The following TIPARP variants were observed in gnomAD, a reference collection of about 807,000 sequenced individuals.
TIPARP encodes the protein TCDD inducible poly(ADP-ribose) polymerase.
Under a neutral mutation model 56.5 loss-of-function variants are expected in TIPARP, and 12 were observed. The ratio of observed to expected loss-of-function variants is 0.21; its 90% CI spans 0.14 to 0.34. The LOEUF is 0.34. TIPARP is among the 10% of genes least tolerant of loss of function. The pLI, the probability that TIPARP is intolerant of heterozygous loss-of-function variation, is 1.00. For synonymous variants in TIPARP, 296 were observed against 265.7 expected (o/e 1.11, Z -1.11); for missense variants, 604 against 781.6 (o/e 0.77, Z 2.71).
intron 4 of TIPARP, among the ~76,000 whole-genome samples, chr3:156,701,896 G>C (rs1157838721): frequency 6.6e-6 from 1 of 152,230 alleles, no homozygotes; most frequent in African/African-American, 2.4e-5. Flanking sequence ...AAGAGACTTT[G>C]AGGCACATTG....
At chr3:156,702,019 C>CGGTGGTGGTGGTGGTGGTGGT (rs67188281) in intron 4 of TIPARP, among the ~76,000 whole-genome samples, 3 of 98,660 alleles carry the variant, frequency 3.0e-5, no homozygotes, top group South Asian at 4.1e-4. Context: ...GATGATAATG[C>CGGTGGTGGTGGTGGTGGTGGT]GGTGGTGGTG....
intron 2 of TIPARP, among the ~76,000 whole-genome samples, chr3:156,685,796 T>C (rs1011683467): frequency 6.6e-6 from 1 of 152,210 alleles, no homozygotes; most frequent in African/African-American, 2.4e-5. Flanking sequence ...GAACAGTCAG[T>C]GAAGAATGGC....
chr3:156,690,497 A>G (rs1247621936), intron 2 of TIPARP, among the ~76,000 whole-genome samples: 1 of 152,326 alleles, frequency 6.6e-6, no homozygotes, highest in South Asian at 2.1e-4. Context: ...CTAAATTATG[A>G]GAATGGGCGT....
At chr3:156,702,551 GA>G (rs1301293195) in intron 4 of TIPARP, among the ~76,000 whole-genome samples, 2 of 152,116 alleles carry the variant, frequency 1.3e-5, no homozygotes, top group Admixed American at 6.5e-5. Context: ...ACTTCCTTGT[GA>G]CCAGTATGTG....
At chr3:156,677,540 G>A (rs345986) in intron 1 of TIPARP, 117 bp from the exon 2 acceptor site, 2 of 671,786 alleles carry the variant, frequency 3.0e-6, no homozygotes, top group Admixed American at 7.0e-5. Flanking sequence ...ACTAAATATA[G>A]TATAAGAGGA....
At position 156,694,085 on chromosome 3, in the gene TIPARP, T is replaced by C; in HGVS notation, c.983T>C (p.Leu328Pro). Residue 328 changes from leucine to proline, a missense_variant, in exon 3 of 6, where the codon CTA becomes CCA. Around this residue, in one of 4 missense-constraint regions of TIPARP, gnomAD observed 252 missense variants for 303.9 expected, o/e 0.83. Coordinates refer to ENST00000295924, the MANE Select transcript of TIPARP (RefSeq NM_015508.5). ...NVYETTEFDQ[L>P]RRLSTPPSSN... The stretch of plus-strand genomic sequence containing the variant: ...TATGAAACAACTGAATTTGACCAAC[T>C]ACGAAGGCTGTCCACACCACCCTCT... 1 of 1,613,604 alleles carries C rather than the reference T, an allele frequency of 6.2e-7. No homozygotes were observed. The highest frequency in any genetic ancestry group is 8.5e-7 in the Non-Finnish European group (1 of 1,179,738).
chr3:156,705,228 A>G lies in TIPARP; in HGVS notation c.*97A>G. ...GACTGGGTGGGGAACAGCATTGGACATTAATAGGGCACTTTTCAGACCCAT... is the reference window on the plus strand; with the variant it reads ...GACTGGGTGGGGAACAGCATTGGACGTTAATAGGGCACTTTTCAGACCCAT... On this transcript the variant is annotated 3_prime_UTR_variant, in exon 6 of 6. Transcript: ENST00000295924. 1.3e-6 allele frequency: 1 copy of G among 797,326 alleles called. No individual in the cohort carries two copies. Among genetic ancestry groups the G allele is most frequent in the South Asian group, 1.8e-5 (1 of 55,630 alleles). The allele number at this position is 797,326 out of a possible 1,614,324, so 49.4% of individuals were successfully genotyped here. A position where few individuals can be genotyped will look rare whatever the true frequency, so the allele number is the denominator to read the frequency against.
Position 156,677,748 on chromosome 3 carries a change from C to T in TIPARP, c.51C>T (p.Pro17=). 1.9e-6 allele frequency: 3 copies of T among 1,613,502 alleles called. No individual in the cohort carries two copies. The Admixed American group carries it at 5.0e-5, about 27-fold the overall frequency. The change falls in exon 2 of 6, where the codon CCC becomes CCT. Residue 17 remains proline, a synonymous_variant. Coordinates refer to ENST00000295924, the MANE Select transcript of TIPARP (RefSeq NM_015508.5). ...EPEPDCVVQP[P]SPPDDFSCQM... is the part of the protein sequence containing the mutation. ...AGCCAGACTGTGTAGTGCAGCCTCCCTCTCCTCCTGATGACTTTTCATGCC... is the reference window on the plus strand; with the variant it reads ...AGCCAGACTGTGTAGTGCAGCCTCCTTCTCCTCCTGATGACTTTTCATGCC...
chr3:156,703,782 G>C, intron 5 of TIPARP, 80 bp downstream of exon 5: 1 of 1,445,462 alleles, frequency 6.9e-7, no homozygotes, highest in South Asian at 1.3e-5. Flanking sequence ...GGGAGGCCGA[G>C]GCGGGCAGAT....
In TIPARP at chr3:156,694,188, G is replaced by C; in HGVS notation, c.1086G>C (p.Glu362Asp). The C allele has an allele frequency of 6.3e-7, 1 of 1,577,060 alleles. No homozygotes were observed. Among genetic ancestry groups the C allele is most frequent in the Non-Finnish European group, 8.6e-7 (1 of 1,166,268 alleles). ...RDHFGWREYP[E>D]SVIRLIEEAN... ...ACTTTGGATGGAGAGAGTATCCCGA[G>C]GTATTTACAGATTCTTTGTTGACAA... Residue 362 changes from glutamate to aspartate, a missense_variant and splice_region_variant, in exon 3 of 6, where the codon GAG (glutamate) becomes GAC (aspartate). Transcript: ENST00000295924.
intron 2 of TIPARP, among the ~76,000 whole-genome samples, chr3:156,681,015 T>A (rs1207655927): frequency 6.6e-6 from 1 of 152,238 alleles, no homozygotes; most frequent in Non-Finnish European, 1.5e-5. Context: ...AGAAATGTTG[T>A]AATATAGTAG....
At chr3:156,679,659 T>C (rs1253125960) in intron 2 of TIPARP, among the ~76,000 whole-genome samples, 1 of 152,208 alleles carries the variant, frequency 6.6e-6, no homozygotes, top group Non-Finnish European at 1.5e-5. Flanking sequence ...TTCATACTAA[T>C]GAATGGCCTG....
intron 4 of TIPARP, among the ~76,000 whole-genome samples, chr3:156,699,995 A>T (rs1466354627): frequency 6.6e-6 from 1 of 152,224 alleles, no homozygotes; most frequent in Non-Finnish European, 1.5e-5. Flanking sequence ...ATATTTTAGA[A>T]GTAGATTCCA....
Position 156,678,334 on chromosome 3 carries a change from G to A in TIPARP, c.637G>A (p.Asp213Asn), listed in dbSNP as rs201843889. 161 of 1,614,152 alleles carry A rather than the reference G, an allele frequency of 1.0e-4. 1 individual carries two copies. Among genetic ancestry groups the A allele is most frequent in the Non-Finnish European group, 1.2e-4 (145 of 1,180,020 alleles). ...SDKLSTELFQ[D>N]KSEEASLDLV... ...TAAGCTGAGTACTGAGCTCTTTCAG[G>A]ACAAAAGTGAAGAGGCTTCCCTTGA... is the stretch of plus-strand genomic sequence containing the variant. The change falls in exon 2 of 6, where the codon GAC becomes AAC. Residue 213 changes from aspartate (D) to asparagine (N), a missense_variant. Asp to Asn is a conservative substitution (Grantham distance 23). Coordinates refer to ENST00000295924, the MANE Select transcript of TIPARP (RefSeq NM_015508.5).
intron 3 of TIPARP, among the ~76,000 whole-genome samples, chr3:156,695,278 A>G (rs1722684224): frequency 6.6e-6 from 1 of 152,018 alleles, no homozygotes; most frequent in African/African-American, 2.4e-5. Context: ...CAGTGGCACA[A>G]TCATAGCTCA....
At chr3:156,699,982 A>G (rs1414050877) in intron 4 of TIPARP, among the ~76,000 whole-genome samples, 1 of 152,214 alleles carries the variant, frequency 6.6e-6, no homozygotes, top group East Asian at 1.9e-4. Flanking sequence ...GGTTCCAAAA[A>G]GCATATTTTA....
chr3:156,705,193 G>C lies in TIPARP; in HGVS notation c.*62G>C. On this transcript the variant is annotated 3_prime_UTR_variant, in exon 6 of 6. Coordinates refer to ENST00000295924, the MANE Select transcript of TIPARP (RefSeq NM_015508.5). ...CAATCCAGCATTTGTAGCAGGTTTT[G>C]AATGGGTGGGACTGGGTGGGGAACA... 4.1e-6 allele frequency: 2 copies of C among 486,510 alleles called. No individual in the cohort carries two copies. Among genetic ancestry groups the C allele is most frequent in the Non-Finnish European group, 7.4e-6 (2 of 270,742 alleles). The allele number at this position is 486,510 out of a possible 1,614,324, so 30.1% of individuals were successfully genotyped here.
chr3:156,703,785 G>A (rs990792558), intron 5 of TIPARP, 83 bp downstream of exon 5: 18 of 1,422,930 alleles, frequency 1.3e-5, no homozygotes, highest in East Asian at 7.1e-5. Flanking sequence ...AGGCCGAGGC[G>A]GGCAGATTAC....
At chr3:156,689,813 C>T (rs1286782942) in intron 2 of TIPARP, among the ~76,000 whole-genome samples, 1 of 152,192 alleles carries the variant, frequency 6.6e-6, no homozygotes, top group Non-Finnish European at 1.5e-5. Flanking sequence ...GGTGTCCTGC[C>T]TCCCATTGTT....
Sources: gnomAD v4.1 joint callset for allele counts (sites outside exome capture counted in the v4.1 genomes callset) on GRCh38, gnomAD v4.1.1 for gene constraint, gnomAD v4.1.1 regional missense constraint, MANE v1.5 for transcripts, NCBI Gene and HGNC (gene_info 2026-07-23, HGNC 2026-07-21) for gene names.